Variants in CA10 observed in about 807,000 individuals in gnomAD.
CA10 encodes carbonic anhydrase-related protein 10.
Under a neutral mutation model 44.2 loss-of-function variants are expected in CA10, and 14 were observed. The observed-to-expected ratio is 0.32, with a 90% CI of 0.21 to 0.50. The LOEUF is 0.50. Ranked by LOEUF, CA10 falls within the 20% of genes least tolerant of loss-of-function variation. The probability of loss-of-function intolerance (pLI) is 0.99; values close to 1 mark genes in which losing one functional copy is unlikely to be tolerated. For synonymous variants in CA10, 159 were observed against 141.6 expected, an observed-to-expected ratio of 1.12 and a Z score of -0.87; for missense variants, 350 against 409.7, an observed-to-expected ratio of 0.85 and a Z score of 1.26.
intron 2 of CA10, among the ~76,000 whole-genome samples, chr17:51,984,846 CAG>C (rs1299010562): frequency 6.6e-6 from 1 of 151,774 alleles, no homozygotes; most frequent in Non-Finnish European, 1.5e-5. Flanking sequence ...TAATAACAAG[CAG>C]AGAGATTGAA....
chr17:52,108,194 TTATATATATATATATA>T (rs71149392), intron 1 of CA10, among the ~76,000 whole-genome samples: 3 of 58,038 alleles, frequency 5.2e-5, no homozygotes, highest in Non-Finnish European at 7.9e-5. Context: ...TATATATTTT[TTATATATATATATATA>T]TATATATATA....
intron 2 of CA10, among the ~76,000 whole-genome samples, chr17:51,985,762 TA>T (rs985013349): frequency 6.6e-6 from 1 of 151,378 alleles, no homozygotes; most frequent in African/African-American, 2.4e-5. Flanking sequence ...ACAATAGCTA[TA>T]AAAAAACAAA....
At chr17:52,082,865 A>G (rs1988019872) in intron 1 of CA10, among the ~76,000 whole-genome samples, 1 of 152,190 alleles carries the variant, frequency 6.6e-6, no homozygotes, top group Non-Finnish European at 1.5e-5. Context: ...ATAGAAATCT[A>G]TTCCATATTT....
chr17:51,895,189 T>C (rs972589426), intron 3 of CA10, among the ~76,000 whole-genome samples: 3 of 152,076 alleles, frequency 2.0e-5, no homozygotes, highest in African/African-American at 7.2e-5. Flanking sequence ...GTTATGCAGT[T>C]CTACAGTTAG....
intron 3 of CA10, among the ~76,000 whole-genome samples, chr17:51,894,051 A>T (rs1340212664): frequency 6.6e-6 from 1 of 152,190 alleles, no homozygotes; most frequent in Non-Finnish European, 1.5e-5. Flanking sequence ...ACCACTAGAA[A>T]AGTATAGGGA....
At chr17:51,661,255 G>A (rs986105297) in intron 4 of CA10, among the ~76,000 whole-genome samples, 1 of 152,108 alleles carries the variant, frequency 6.6e-6, no homozygotes. Context: ...AATGAATGAA[G>A]CAATGCAGGC....
chr17:52,065,400 T>G (rs1311865620), intron 2 of CA10, among the ~76,000 whole-genome samples: 1 of 152,200 alleles, frequency 6.6e-6, no homozygotes, highest in South Asian at 2.1e-4. Context: ...CCTTTGTCTT[T>G]TTCTTTAAGG....
chr17:52,131,108 T>A (rs1450565717), intron 1 of CA10, among the ~76,000 whole-genome samples: 3 of 149,626 alleles, frequency 2.0e-5, no homozygotes, highest in Admixed American at 2.0e-4. Flanking sequence ...TTTTATTTTA[T>A]TTTTTTTTAG....
rs551284811 is a variant in CA10 at position 51,979,344 on chromosome 17, T to C, written c.137-48212A>G. ...AACATCTTAATATTTTTTAAACTTT[T>C]ATTTTATATTTAGGGGTACATGTGA... On this transcript the variant is annotated intron_variant, in intron 2 of 8. Coordinates refer to ENST00000451037, the MANE Select transcript of CA10 (RefSeq NM_020178.5). Among the ~76,000 whole-genome samples the C allele has an allele frequency of 1.1e-4, 16 of 152,288 alleles. No homozygotes were observed. The South Asian group carries it at 3.1e-3, about 30-fold the overall frequency.
intron 1 of CA10, among the ~76,000 whole-genome samples, chr17:52,091,119 T>C (rs912597035): frequency 3.3e-5 from 5 of 152,004 alleles, no homozygotes; most frequent in African/African-American, 7.2e-5. Flanking sequence ...AATCAGCATA[T>C]AAAAAAGTAT....
At chr17:51,935,877 G>C (rs1248237884) in intron 2 of CA10, among the ~76,000 whole-genome samples, 2 of 152,102 alleles carry the variant, frequency 1.3e-5, no homozygotes, top group African/African-American at 4.8e-5. Context: ...AGAAGAGCAA[G>C]GAACCAGAGG....
chr17:51,768,729 C>T (rs1040673438), intron 3 of CA10, among the ~76,000 whole-genome samples: 7 of 152,208 alleles, frequency 4.6e-5, no homozygotes, highest in African/African-American at 1.7e-4. Context: ...GCTTATTAAA[C>T]AATGTGGCAC....
chr17:51,779,203 G>A (rs1459895643), intron 3 of CA10, among the ~76,000 whole-genome samples: 1 of 152,158 alleles, frequency 6.6e-6, no homozygotes, highest in Non-Finnish European at 1.5e-5. Flanking sequence ...CGAGAGCCCT[G>A]TGGAGGGGCC....
chr17:52,100,212 G>A (rs1349468667), intron 1 of CA10, among the ~76,000 whole-genome samples: 1 of 152,128 alleles, frequency 6.6e-6, no homozygotes, highest in Non-Finnish European at 1.5e-5. Flanking sequence ...AATTGCAGAA[G>A]CAAAGACCTT....
intron 4 of CA10, among the ~76,000 whole-genome samples, chr17:51,671,634 G>T (rs1019226148): frequency 6.6e-6 from 1 of 151,894 alleles, no homozygotes; most frequent in Admixed American, 6.5e-5. Flanking sequence ...TCGATCTCCT[G>T]ACTTCATGAT....
chr17:51,647,839 A>G (rs1437940732), intron 6 of CA10, among the ~76,000 whole-genome samples: 1 of 152,124 alleles, frequency 6.6e-6, no homozygotes, highest in Non-Finnish European at 1.5e-5. Flanking sequence ...CTTAGAGAGG[A>G]CTCCATAAGA....
At chr17:51,636,817 TTC>T (rs964076651) in intron 6 of CA10, among the ~76,000 whole-genome samples, 1 of 114,478 alleles carries the variant, frequency 8.7e-6, no homozygotes, top group African/African-American at 3.4e-5. Context: ...GTGTGTATTT[TTC>T]TCTCTCTCAG....
intron 2 of CA10, among the ~76,000 whole-genome samples, chr17:52,000,077 A>G (rs1009147959): frequency 3.3e-5 from 5 of 152,074 alleles, no homozygotes; most frequent in Non-Finnish European, 5.9e-5. Flanking sequence ...TTCTGTTCAG[A>G]TAATTCACAA....
At chr17:51,698,077 T>A (rs893907897) in intron 4 of CA10, among the ~76,000 whole-genome samples, 1 of 152,248 alleles carries the variant, frequency 6.6e-6, no homozygotes, top group Admixed American at 6.5e-5. Flanking sequence ...GTCCAGCAGC[T>A]GCTGCCCTCT....
Sources: gnomAD v4.1 joint callset for allele counts (sites outside exome capture counted in the v4.1 genomes callset) on GRCh38, gnomAD v4.1.1 for gene constraint, MANE v1.5 for transcripts, NCBI Gene and HGNC (gene_info 2026-07-23, HGNC 2026-07-21) for gene names.